The following LBH variants were observed in gnomAD, a reference collection of about 807,000 sequenced individuals.
The protein encoded by LBH is LBH regulator of Wnt signaling pathway, also known as protein LBH.
Under a neutral mutation model 12.5 loss-of-function variants are expected in LBH, and 7 were observed. The ratio of observed to expected loss-of-function variants is 0.56; its 90% CI spans 0.32 to 1.05. LBH has a LOEUF of 1.05. LBH is among the 50% of genes least tolerant of loss of function. LBH has a pLI of 0.04. For missense variants in LBH, 119 were observed against 138.9 expected (o/e 0.86, Z 0.72); for synonymous variants, 51 against 50.1 (o/e 1.02, Z -0.08).
chr2:30,235,887 G>T (rs79952889), intron 2 of LBH, among the ~76,000 whole-genome samples: 2,888 of 152,142 alleles, frequency 0.019, 48 homozygotes, highest in Middle Eastern at 0.071. Flanking sequence ...GCTTGAAGGG[G>T]GTGTGTGGAG....
chr2:30,242,900 G>A (rs1677813598), intron 2 of LBH, among the ~76,000 whole-genome samples: 1 of 152,178 alleles, frequency 6.6e-6, no homozygotes, highest in African/African-American at 2.4e-5. Flanking sequence ...TTTGGAATAA[G>A]TTCCTGGAAG....
At chr2:30,255,177 G>A (rs772525040) in intron 2 of LBH, among the ~76,000 whole-genome samples, 8 of 152,338 alleles carry the variant, frequency 5.3e-5, no homozygotes, top group Non-Finnish European at 1.2e-4. Context: ...CCTCCATCGG[G>A]GTCCCTCTCA....
intron 2 of LBH, among the ~76,000 whole-genome samples, chr2:30,238,610 G>A (rs1677731362): frequency 6.6e-6 from 1 of 152,212 alleles, no homozygotes; most frequent in African/African-American, 2.4e-5. Context: ...AGAGCTGAGA[G>A]CTTCCTGCAT....
At chr2:30,252,545 G>C (rs375296768) in intron 2 of LBH, among the ~76,000 whole-genome samples, 2 of 151,944 alleles carry the variant, frequency 1.3e-5, no homozygotes, top group African/African-American at 4.8e-5. Flanking sequence ...GCCTGTCGTC[G>C]AAGCTACTCA....
At chr2:30,235,885 G>A (rs879471227) in intron 2 of LBH, among the ~76,000 whole-genome samples, 2 of 152,104 alleles carry the variant, frequency 1.3e-5, no homozygotes, top group Non-Finnish European at 2.9e-5. Flanking sequence ...TAGCTTGAAG[G>A]GGGTGTGTGG....
chr2:30,244,602 A>C (rs1281052225), intron 2 of LBH, among the ~76,000 whole-genome samples: 9 of 152,070 alleles, frequency 5.9e-5, no homozygotes, highest in Non-Finnish European at 8.8e-5. Context: ...TCACTATTGC[A>C]GTAAGAAACC....
intron 2 of LBH, among the ~76,000 whole-genome samples, chr2:30,245,748 T>G (rs1468041525): frequency 1.3e-5 from 2 of 152,182 alleles, no homozygotes; most frequent in African/African-American, 4.8e-5. Context: ...GAACTAATCC[T>G]TATTGTGTTT....
rs180906473 is a variant in LBH, at chr2:30,247,086, G to T, written c.130-10347G>T. ...TCCTCCCACCTCAGCCTCCCAAAGTGCTGGGATTATAGACATGAAACACTG... is the reference window on the plus strand; with the variant it reads ...TCCTCCCACCTCAGCCTCCCAAAGTTCTGGGATTATAGACATGAAACACTG... On this transcript the variant is annotated intron_variant, in intron 2 of 2. Transcript: ENST00000395323. 3.6e-4 allele frequency among the ~76,000 whole-genome samples: 54 copies of T among 151,296 alleles called. No individual in the cohort carries two copies. The East Asian group carries it at 9.1e-3, about 25-fold the overall frequency.
chr2:30,239,955 T>A (rs1030015311), intron 2 of LBH, among the ~76,000 whole-genome samples: 1 of 152,160 alleles, frequency 6.6e-6, no homozygotes, highest in African/African-American at 2.4e-5. Flanking sequence ...TGTAGCCTGG[T>A]CAGGGAGAGA....
At chr2:30,255,734 A>G (rs1393047080) in intron 2 of LBH, among the ~76,000 whole-genome samples, 1 of 152,156 alleles carries the variant, frequency 6.6e-6, no homozygotes, top group Non-Finnish European at 1.5e-5. Flanking sequence ...GAAGTTGGGA[A>G]GGCCTGAGTT....
chr2:30,252,694 T>C lies in LBH; in HGVS notation c.130-4739T>C, dbSNP rs79566318. ...AAAAAAACCTCTTTCCTTTATAAAT[T>C]ACCCAGTCTTGGGGATTTCTTCATA... On this transcript the variant is annotated intron_variant, in intron 2 of 2. Transcript: ENST00000395323. Among the ~76,000 whole-genome samples the C allele has an allele frequency of 1.1e-3, 165 of 152,224 alleles. 3 individuals are homozygous for C. The East Asian group carries it at 0.026, about 24-fold the overall frequency.
intron 2 of LBH, among the ~76,000 whole-genome samples, chr2:30,235,518 C>G (rs1279225393): frequency 1.3e-5 from 2 of 152,104 alleles, no homozygotes. Context: ...TCACCCTGTT[C>G]ACAGATGAGG....
intron 1 of LBH, chr2:30,232,279 T>G: frequency 6.7e-7 from 1 of 1,494,036 alleles, no homozygotes; most frequent in Non-Finnish European, 8.9e-7. Context: ...GTAACCCCAC[T>G]AAAGCCACAA....
chr2:30,257,863 T>G lies in LBH; in HGVS notation c.*242T>G. 1.9e-5 allele frequency: 7 copies of G among 363,912 alleles called. No individual in the cohort carries two copies. The highest frequency in any genetic ancestry group is 5.7e-5 in the East Asian group (1 of 17,684). 22.5% of individuals were successfully genotyped at this position (363,912 alleles called of 1,614,324 possible). ...TGCAAGGCCCTCTGAGAAAGGAAGCTGCTTAGAGCCAGGGGGTTAGTGGGT... is the reference window on the plus strand; with the variant it reads ...TGCAAGGCCCTCTGAGAAAGGAAGCGGCTTAGAGCCAGGGGGTTAGTGGGT... On this transcript the variant is annotated 3_prime_UTR_variant, in exon 3 of 3. Coordinates refer to ENST00000395323, the MANE Select transcript of LBH (RefSeq NM_030915.4).
chr2:30,244,194 A>T (rs1194628203), intron 2 of LBH, among the ~76,000 whole-genome samples: 1 of 152,194 alleles, frequency 6.6e-6, no homozygotes, highest in Non-Finnish European at 1.5e-5. Context: ...TCCACAGCAC[A>T]ATCCTTTTAG....
chr2:30,250,647 C>T lies in LBH; in HGVS notation c.130-6786C>T, dbSNP rs927748682. Among the ~76,000 whole-genome samples the T allele has an allele frequency of 5.0e-4, 76 of 152,020 alleles. 1 individual carries two copies. The highest frequency in any genetic ancestry group is 1.3e-4 in the Admixed American group (2 of 15,258). ...TGGCATGGAGGCAGACAGTTGATAG[C>T]CCGGTCCCTAAATTTGGGGCCTTTG... is the stretch of plus-strand genomic sequence containing the variant. On this transcript the variant is annotated intron_variant, in intron 2 of 2. Coordinates refer to ENST00000395323, the MANE Select transcript of LBH (RefSeq NM_030915.4).
At chr2:30,234,327 C>A in intron 1 of LBH, 78 bp from the exon 2 acceptor site, 2 of 1,101,798 alleles carry the variant, frequency 1.8e-6, no homozygotes, top group Non-Finnish European at 2.8e-6. Context: ...CCCCTGATCC[C>A]ACAGCAGTGA....
At chr2:30,238,693 G>A (rs1354478153) in intron 2 of LBH, among the ~76,000 whole-genome samples, 2 of 152,124 alleles carry the variant, frequency 1.3e-5, no homozygotes, top group African/African-American at 2.4e-5. Flanking sequence ...GCAGGCTAGC[G>A]GGCTGACTTT....
chr2:30,239,926 C>G (rs1677759295), intron 2 of LBH, among the ~76,000 whole-genome samples: 3 of 152,202 alleles, frequency 2.0e-5, no homozygotes, highest in Non-Finnish European at 2.9e-5. Context: ...CATAAGCCCC[C>G]TGGTCACAAC....
Sources: gnomAD v4.1 joint callset for allele counts (sites outside exome capture counted in the v4.1 genomes callset) on GRCh38, gnomAD v4.1.1 for gene constraint, MANE v1.5 for transcripts, NCBI Gene and HGNC (gene_info 2026-07-23, HGNC 2026-07-21) for gene names.